The following CNTN1 variants were observed in gnomAD, a reference collection of about 807,000 sequenced individuals.
CNTN1 encodes contactin-1.
CNTN1 carries 38 observed loss-of-function variants against 126.4 expected under a neutral mutation model. The observed-to-expected ratio is 0.30, with a 90% CI of 0.23 to 0.39. CNTN1 has a LOEUF of 0.39. Among genes scored for constraint, CNTN1 ranks in the 10% least tolerant of loss-of-function variants. The pLI is 1.00. For missense variants in CNTN1, 1,009 were observed against 1,248.4 expected, an observed-to-expected ratio of 0.81 and a Z score of 2.89; for synonymous variants, 413 against 422.6, an observed-to-expected ratio of 0.98 and a Z score of 0.28.
At chr12:41,069,489 G>T (rs1029662169) in intron 23 of CNTN1, among the ~76,000 whole-genome samples, 6 of 151,868 alleles carry the variant, frequency 4.0e-5, no homozygotes, top group African/African-American at 1.5e-4. Flanking sequence ...ACAATGTGCA[G>T]GTTTGTTACA....
Position 41,011,699 on chromosome 12 carries a change from T to C in CNTN1, c.2114-2529T>C, listed in dbSNP as rs140324438. On this transcript the variant is annotated intron_variant, in intron 17 of 23. Coordinates refer to ENST00000551295, the MANE Select transcript of CNTN1 (RefSeq NM_001843.4). ...GAAAAATGGATCTTGGGAAAGACTA[T>C]GTAACAGTTGCATTTGGGCAATTGT... 9.1e-4 allele frequency among the ~76,000 whole-genome samples: 138 copies of C among 152,326 alleles called. No individual in the cohort carries two copies. In the East Asian group the frequency reaches 0.016, roughly 17 times the overall value.
At position 40,883,416 on chromosome 12, in the gene CNTN1, C is replaced by A. The variant is rs556267969; in HGVS notation, c.-76-24941C>A. ...TTCTCCAAACTTAAAGCATAAGCGTCATAATATTTCAAAGGAAACAAGAAA... is the reference window on the plus strand; with the variant it reads ...TTCTCCAAACTTAAAGCATAAGCGTAATAATATTTCAAAGGAAACAAGAAA... On this transcript the variant is annotated intron_variant, in intron 1 of 23. Transcript: ENST00000551295. 4.0e-5 allele frequency among the ~76,000 whole-genome samples: 6 copies of A among 151,696 alleles called. No homozygotes were observed. The South Asian group carries it at 1.0e-3, about 26-fold the overall frequency.
intron 1 of CNTN1, among the ~76,000 whole-genome samples, chr12:40,802,123 A>G (rs1321045048): frequency 3.9e-5 from 6 of 152,034 alleles, no homozygotes; most frequent in African/African-American, 1.2e-4. Flanking sequence ...TTGAGAGTTC[A>G]GTTATCTCAG....
At position 40,908,492 on chromosome 12, in the gene CNTN1, A is replaced by G. The variant is rs1038425197; in HGVS notation, c.60A>G (p.Ala20=). The G allele has an allele frequency of 1.3e-6, 2 of 1,596,922 alleles. No individual in the cohort carries two copies. The highest frequency in any genetic ancestry group is 1.7e-6 in the Non-Finnish European group (2 of 1,165,696). Residue 20 remains alanine (A), a splice_region_variant and synonymous_variant, in exon 2 of 24, where the codon GCA becomes GCG. Coordinates refer to ENST00000551295, the MANE Select transcript of CNTN1 (RefSeq NM_001843.4). ...LVIISITTCL[A]EFTWYRRYGH... ...TAATATCTATTACTACCTGTTTAGC[A>G]GGTAAGAAATATCCTTTGTATATTC...
chr12:40,751,501 G>C (rs1201708008), intron 1 of CNTN1, among the ~76,000 whole-genome samples: 1 of 151,994 alleles, frequency 6.6e-6, no homozygotes, highest in East Asian at 1.9e-4. Context: ...TCAAAGGAGA[G>C]AGAGAAATAA....
intron 1 of CNTN1, among the ~76,000 whole-genome samples, chr12:40,807,506 T>C (rs1370184401): frequency 1.3e-5 from 2 of 152,108 alleles, no homozygotes; most frequent in African/African-American, 4.8e-5. Context: ...ATTTAAGATT[T>C]CTGCTGCACC....
Position 40,977,127 on chromosome 12 carries a change from C to T in CNTN1, c.1805-3782C>T, listed in dbSNP as rs534433873. Among the ~76,000 whole-genome samples, 3 of 152,154 alleles carry T rather than the reference C, an allele frequency of 2.0e-5. No homozygotes were observed. The East Asian group carries it at 5.8e-4, about 29-fold the overall frequency. ...AACACATGTAAGATGTACATTGGTT[C>T]CATCTGGGAAGGTGGGACAACTCAA... On this transcript the variant is annotated intron_variant, in intron 15 of 23. Transcript: ENST00000551295.
chr12:40,938,564 A>T (rs573349875), intron 11 of CNTN1, among the ~76,000 whole-genome samples: 124 of 152,304 alleles, frequency 8.1e-4, no homozygotes, highest in African/African-American at 2.9e-3. Context: ...AAATTAAATA[A>T]TCCTAATAGA....
Position 40,863,926 on chromosome 12 carries a change from T to TCCTTCCTTCCGCCCTCCCTC in CNTN1, c.-76-44428_-76-44427insTCCTTCCGCCCTCCCTCCCT, listed in dbSNP as rs760801289. 5.0e-4 allele frequency among the ~76,000 whole-genome samples: 65 copies of TCCTTCCTTCCGCCCTCCCTC among 129,150 alleles called. 1 individual carries two copies. Among genetic ancestry groups the TCCTTCCTTCCGCCCTCCCTC allele is most frequent in the African/African-American group, 2.3e-3 (60 of 26,544 alleles). 84.7% of individuals were successfully genotyped at this position (129,150 alleles called of 152,430 possible). On this transcript the variant is annotated intron_variant, in intron 1 of 23. Transcript: ENST00000551295. ...TCTGGACCGACCTTCCTTCCTTCCT[T>TCCTTCCTTCCGCCCTCCCTC]CCTCCCTCCCTCCCTCCCTCCCTCC...
At chr12:40,929,731 C>G in intron 6 of CNTN1, 65 bp from the exon 7 acceptor site, 1 of 1,206,380 alleles carries the variant, frequency 8.3e-7, no homozygotes, top group East Asian at 2.4e-5. Flanking sequence ...TTACTAGCCT[C>G]TATTAAATTA....
At chr12:40,719,630 A>T (rs1431226061) in intron 1 of CNTN1, among the ~76,000 whole-genome samples, 1 of 152,248 alleles carries the variant, frequency 6.6e-6, no homozygotes, top group Non-Finnish European at 1.5e-5. Context: ...CTTTGAGATC[A>T]ATAAGATATA....
intron 1 of CNTN1, among the ~76,000 whole-genome samples, chr12:40,861,420 C>T (rs1943111874): frequency 6.6e-6 from 1 of 152,020 alleles, no homozygotes; most frequent in Admixed American, 6.6e-5. Context: ...CTCTCAAGTA[C>T]CTAGTGAAAC....
At chr12:40,746,386 G>T (rs950170352) in intron 1 of CNTN1, among the ~76,000 whole-genome samples, 3 of 152,064 alleles carry the variant, frequency 2.0e-5, no homozygotes, top group Admixed American at 1.3e-4. Context: ...ATCTATAAGG[G>T]TCTGCAGCAA....
At chr12:41,012,385 C>T (rs1179422912) in intron 17 of CNTN1, among the ~76,000 whole-genome samples, 1 of 152,186 alleles carries the variant, frequency 6.6e-6, no homozygotes, top group Non-Finnish European at 1.5e-5. Flanking sequence ...AATCTTCCCA[C>T]ACATTGCATA....
chr12:40,831,413 G>GAGTT (rs1941836244), intron 1 of CNTN1, among the ~76,000 whole-genome samples: 1 of 151,962 alleles, frequency 6.6e-6, no homozygotes, highest in Non-Finnish European at 1.5e-5. Context: ...CAGTCCTGAT[G>GAGTT]AGTTGCAAGC....
At chr12:40,738,930 A>G (rs1194065356) in intron 1 of CNTN1, among the ~76,000 whole-genome samples, 5 of 152,084 alleles carry the variant, frequency 3.3e-5, no homozygotes, top group Non-Finnish European at 7.4e-5. Context: ...AGGTTCACAG[A>G]AGATTCATAG....
intron 23 of CNTN1, among the ~76,000 whole-genome samples, chr12:41,032,367 C>CAAAAAA (rs35270939): frequency 1.3e-5 from 1 of 78,364 alleles, no homozygotes. Flanking sequence ...GACTCCGTCT[C>CAAAAAA]AAAAAAAAAA....
chr12:40,831,213 T>G (rs1305527343), intron 1 of CNTN1, among the ~76,000 whole-genome samples: 1 of 149,218 alleles, frequency 6.7e-6, no homozygotes, highest in Non-Finnish European at 1.5e-5. Flanking sequence ...ACACATATAA[T>G]TAAATGTATA....
chr12:40,767,106 T>TA (rs1187217832), intron 1 of CNTN1, among the ~76,000 whole-genome samples: 1 of 152,102 alleles, frequency 6.6e-6, no homozygotes, highest in Non-Finnish European at 1.5e-5. Flanking sequence ...TAAACAAATG[T>TA]AATGATTCAA....
Sources: allele counts gnomAD v4.1 joint callset (sites outside exome capture counted in the v4.1 genomes callset), GRCh38; gene constraint gnomAD v4.1.1; transcripts MANE v1.5; gene names NCBI Gene and HGNC (gene_info 2026-07-23, HGNC 2026-07-21).